The following XKR3 variants were observed in gnomAD, a reference collection of about 807,000 sequenced individuals.
XKR3 encodes XK related 3, also known as XK-related protein 3.
A neutral mutation model predicts 40.3 loss-of-function variants in XKR3; 27 were observed. That is an observed-to-expected ratio of 0.67 (90% CI 0.49 to 0.92). The LOEUF is 0.92. Ranked by LOEUF, XKR3 falls within the 40% of genes least tolerant of loss-of-function variation. The pLI, the probability that XKR3 is intolerant of heterozygous loss-of-function variation, is 0.00. For missense variants in XKR3, 472 were observed against 537.6 expected, an observed-to-expected ratio of 0.88 and a Z score of 1.21; for synonymous variants, 193 against 195.4, an observed-to-expected ratio of 0.99 and a Z score of 0.10.
chr22:16,822,414 G>C (rs1252715303), intron 1 of XKR3, among the ~76,000 whole-genome samples: 2 of 151,776 alleles, frequency 1.3e-5, no homozygotes, highest in Non-Finnish European at 2.9e-5. Flanking sequence ...TAGAAAAGAA[G>C]ACAGATAAGA....
intron 2 of XKR3, among the ~76,000 whole-genome samples, chr22:16,805,587 A>G (rs941602613): frequency 4.6e-5 from 7 of 152,180 alleles, no homozygotes; most frequent in African/African-American, 1.2e-4. Context: ...GGCAGAAACA[A>G]TCAACTGATC....
At chr22:16,790,519 T>C (rs1353985780) in intron 3 of XKR3, among the ~76,000 whole-genome samples, 3 of 151,946 alleles carry the variant, frequency 2.0e-5, no homozygotes, top group South Asian at 2.1e-4. Context: ...CATGGACAAA[T>C]AGAGGGAAAC....
At chr22:16,812,033 A>G (rs2060215084) in intron 1 of XKR3, among the ~76,000 whole-genome samples, 2 of 152,012 alleles carry the variant, frequency 1.3e-5, no homozygotes, top group Non-Finnish European at 2.9e-5. Flanking sequence ...ACAAAAAACA[A>G]CAAACAAAGA....
intron 3 of XKR3, among the ~76,000 whole-genome samples, chr22:16,797,906 GCTCACCCCTATAATCCCAGC>G (rs1176339852): frequency 7.2e-5 from 11 of 151,996 alleles, no homozygotes; most frequent in African/African-American, 2.7e-4. Context: ...ATGTGCAGTG[GCTCACCCCTATAATCCCAGC>G]ACTTTGGGAG....
intron 3 of XKR3, among the ~76,000 whole-genome samples, chr22:16,797,249 C>T (rs906083974): frequency 3.3e-5 from 5 of 152,172 alleles, no homozygotes; most frequent in Non-Finnish European, 7.3e-5. Context: ...TTATTTTAAA[C>T]ACTGATAGTG....
chr22:16,822,647 A>G (rs2146184281), intron 1 of XKR3, among the ~76,000 whole-genome samples: 1 of 152,312 alleles, frequency 6.6e-6, no homozygotes, highest in South Asian at 2.1e-4. Flanking sequence ...CCTAGTGATA[A>G]GACTGCTGGA....
intron 3 of XKR3, among the ~76,000 whole-genome samples, chr22:16,797,395 A>G (rs914686769): frequency 1.3e-5 from 2 of 152,216 alleles, no homozygotes; most frequent in African/African-American, 4.8e-5. Flanking sequence ...AACCTACACA[A>G]TGGGAGAAGA....
At chr22:16,811,537 G>C (rs1451574813) in intron 1 of XKR3, among the ~76,000 whole-genome samples, 1 of 152,142 alleles carries the variant, frequency 6.6e-6, no homozygotes, top group Non-Finnish European at 1.5e-5. Flanking sequence ...AATTTGACTT[G>C]ATTCTTTATC....
Position 16,792,040 on chromosome 22 carries a change from C to CA in XKR3, c.590-7632dup, listed in dbSNP as rs374527856. Among the ~76,000 whole-genome samples, 55 of 152,096 alleles carry CA rather than the reference C, an allele frequency of 3.6e-4. No individual in the cohort carries two copies. In the East Asian group the frequency reaches 9.9e-3, roughly 27 times the overall value. ...CATTGCATCCTCCGTCTGCTGGGTT[C>CA]AAGCCATTCTCTTGCCTCAGCCTAC... On this transcript the variant is annotated intron_variant, in intron 3 of 3. Transcript: ENST00000684488.
At chr22:16,798,198 A>T (rs2060151006) in intron 3 of XKR3, among the ~76,000 whole-genome samples, 2 of 148,410 alleles carry the variant, frequency 1.3e-5, no homozygotes, top group African/African-American at 2.4e-5. Context: ...AAAAAACAAC[A>T]ACAACAAAAA....
intron 1 of XKR3, among the ~76,000 whole-genome samples, chr22:16,815,855 C>T (rs1169329555): frequency 2.0e-5 from 3 of 151,968 alleles, no homozygotes; most frequent in Non-Finnish European, 4.4e-5. Context: ...GCTACTGAGG[C>T]ATTTAAATTT....
chr22:16,810,744 A>T (rs1468955626), intron 1 of XKR3, among the ~76,000 whole-genome samples: 2 of 152,206 alleles, frequency 1.3e-5, no homozygotes, highest in African/African-American at 4.8e-5. Context: ...CTAAGCTAAA[A>T]CCATGGTCCT....
At chr22:16,816,671 T>C (rs2060235240) in intron 1 of XKR3, among the ~76,000 whole-genome samples, 1 of 152,036 alleles carries the variant, frequency 6.6e-6, no homozygotes, top group Non-Finnish European at 1.5e-5. Flanking sequence ...AAAATGTATT[T>C]TTATTAAATG....
At position 16,809,647 on chromosome 22, in the gene XKR3, C is replaced by G. The variant is rs148217614; in HGVS notation, c.-10-1564G>C. On this transcript the variant is annotated intron_variant, in intron 1 of 3. Coordinates refer to ENST00000684488, the MANE Select transcript of XKR3 (RefSeq NM_001386955.1). The stretch of plus-strand genomic sequence containing the variant: ...ATATTTTTGCCATTGATAATATGCT[C>G]TCATTTGAACATTCCACTTACCTTA... 6.2e-4 allele frequency among the ~76,000 whole-genome samples: 95 copies of G among 152,332 alleles called. 2 individuals are homozygous for G. The highest frequency in any genetic ancestry group is 2.1e-3 in the African/African-American group (89 of 41,584).
rs147607329 is a variant in XKR3, at chr22:16,806,985, C to T, written c.335+754G>A. Among the ~76,000 whole-genome samples, 527 of 152,142 alleles carry T rather than the reference C, an allele frequency of 3.5e-3. 3 individuals carry two copies. Among genetic ancestry groups the T allele is most frequent in the East Asian group, 0.02 (102 of 5,180 alleles). On this transcript the variant is annotated intron_variant, in intron 2 of 3. Coordinates refer to ENST00000684488, the MANE Select transcript of XKR3 (RefSeq NM_001386955.1). ...TCTTTCAAAGCACGTTAGTCTTTCC[C>T]AAAGTTAATCTATAAGTTTAATTGG...
intron 3 of XKR3, among the ~76,000 whole-genome samples, chr22:16,795,256 T>C (rs113964030): frequency 0.025 from 3,734 of 152,174 alleles, 50 homozygotes; most frequent in South Asian, 0.047. Flanking sequence ...AGAAGATCTC[T>C]CAAAATACAA....
At chr22:16,784,549 T>A in intron 3 of XKR3, 140 bp from the exon 4 acceptor site, 1 of 864,266 alleles carries the variant, frequency 1.2e-6, no homozygotes. Context: ...AAAGAAAGGT[T>A]TGTTAATCTT....
intron 1 of XKR3, among the ~76,000 whole-genome samples, chr22:16,812,093 T>C (rs1252143565): frequency 6.6e-6 from 1 of 152,186 alleles, no homozygotes. Flanking sequence ...AGGCACTTGT[T>C]ATAAGTGAAA....
Position 16,799,830 on chromosome 22 carries a change from G to C in XKR3, c.530C>G (p.Pro177Arg), listed in dbSNP as rs753406079. 1 of 1,614,024 alleles carries C rather than the reference G, an allele frequency of 6.2e-7. No individual in the cohort carries two copies. Among genetic ancestry groups the C allele is most frequent in the East Asian group, 2.2e-5 (1 of 44,856 alleles). Residue 177 changes from proline to arginine, a missense_variant, in exon 3 of 4, where the codon CCA becomes CGA. By Grantham distance (103) the Pro-to-Arg change is moderately radical. Transcript: ENST00000684488. ...GATATACATCTGCAAAATTAATTGT[G>C]GAACAGAACCGAGAAAAGCCTGAAT... Reference protein sequence around the residue: ...SVIQAFLGSVPQLILQMYISL... With the variant: ...SVIQAFLGSVRQLILQMYISL...
Sources: allele counts gnomAD v4.1 joint callset (sites outside exome capture counted in the v4.1 genomes callset), GRCh38; gene constraint gnomAD v4.1.1; transcripts MANE v1.5; gene names NCBI Gene and HGNC (gene_info 2026-07-23, HGNC 2026-07-21).